The following GPC5 variants were observed in gnomAD, a reference collection of about 807,000 sequenced individuals.
The protein encoded by GPC5 is glypican 5, also known as glypican-5.
GPC5 carries 47 observed loss-of-function variants against 53.9 expected under a neutral mutation model. The ratio of observed to expected loss-of-function variants is 0.87; its 90% CI spans 0.69 to 1.11. GPC5 has a LOEUF of 1.11. Among genes scored for constraint, GPC5 ranks in the 50% most tolerant of loss-of-function variants. GPC5 has a pLI of 0.00. For synonymous variants in GPC5, 286 were observed against 263.3 expected, an observed-to-expected ratio of 1.09 and a Z score of -0.84; for missense variants, 748 against 713.1, an observed-to-expected ratio of 1.05 and a Z score of -0.56.
At chr13:92,172,913 G>A (rs2042080682) in intron 7 of GPC5, among the ~76,000 whole-genome samples, 1 of 149,956 alleles carries the variant, frequency 6.7e-6, no homozygotes, top group Admixed American at 6.7e-5. Flanking sequence ...ATAGTTCTAG[G>A]GTTTTTTTAA....
At chr13:92,650,320 C>A (rs1296577466) in intron 7 of GPC5, among the ~76,000 whole-genome samples, 2 of 152,038 alleles carry the variant, frequency 1.3e-5, no homozygotes, top group Admixed American at 6.6e-5. Context: ...CAAATATAAT[C>A]ATATAAGGAA....
chr13:92,575,428 A>C (rs1187576292), intron 7 of GPC5, among the ~76,000 whole-genome samples: 2 of 152,110 alleles, frequency 1.3e-5, no homozygotes, highest in Admixed American at 1.3e-4. Flanking sequence ...GCGAGAGAAC[A>C]TTTTCAGACA....
At chr13:92,564,273 G>T (rs1275039966) in intron 7 of GPC5, among the ~76,000 whole-genome samples, 1 of 151,844 alleles carries the variant, frequency 6.6e-6, no homozygotes. Context: ...TGTGTCAATA[G>T]GTTTTGCATG....
intron 7 of GPC5, chr13:92,490,287 C>T (rs1879713607): frequency 6.5e-6 from 1 of 153,498 alleles, no homozygotes; most frequent in African/African-American, 2.4e-5. Flanking sequence ...ATTATTATAT[C>T]TATTTTTTCA....
chr13:91,554,898 C>G (rs1594246235), intron 2 of GPC5, among the ~76,000 whole-genome samples: 1 of 152,110 alleles, frequency 6.6e-6, no homozygotes, highest in Admixed American at 6.6e-5. Context: ...CTTATCTTCT[C>G]TCTTAGCCCA....
chr13:92,209,518 A>G (rs541177098), intron 7 of GPC5, among the ~76,000 whole-genome samples: 1 of 152,312 alleles, frequency 6.6e-6, no homozygotes, highest in Admixed American at 6.5e-5. Context: ...GCAAAAGCAT[A>G]TAAAGAATTG....
At chr13:92,486,171 G>A (rs912554712) in intron 7 of GPC5, among the ~76,000 whole-genome samples, 1 of 151,970 alleles carries the variant, frequency 6.6e-6, no homozygotes, top group African/African-American at 2.4e-5. Flanking sequence ...ATTTATCAGT[G>A]TCATCAAAAC....
rs151266581 is a variant in GPC5 at position 91,496,725 on chromosome 13, T to C, written c.325+47803T>C. ...GAATAAGATCTAGTGTTTGACAGCA[T>C]AACAGGGTGACTATGGCAACAATAA... On this transcript the variant is annotated intron_variant, in intron 2 of 7. Coordinates refer to ENST00000377067, the MANE Select transcript of GPC5 (RefSeq NM_004466.6). Among the ~76,000 whole-genome samples the C allele has an allele frequency of 2.6e-3, 391 of 152,244 alleles. 1 individual carries two copies. The highest frequency in any genetic ancestry group is 8.5e-3 in the African/African-American group (353 of 41,540).
intron 7 of GPC5, among the ~76,000 whole-genome samples, chr13:92,463,294 G>A (rs1381095014): frequency 6.6e-6 from 1 of 152,194 alleles, no homozygotes; most frequent in African/African-American, 2.4e-5. Context: ...CAGCACACGC[G>A]ATGCCAACCT....
intron 6 of GPC5, among the ~76,000 whole-genome samples, chr13:92,076,450 A>G (rs1158847275): frequency 3.9e-5 from 6 of 152,146 alleles, no homozygotes; most frequent in Non-Finnish European, 7.3e-5. Flanking sequence ...TTTATTTTAC[A>G]TTAATTGCCA....
intron 3 of GPC5, among the ~76,000 whole-genome samples, chr13:91,702,613 C>T (rs1384054409): frequency 2.6e-5 from 4 of 151,918 alleles, no homozygotes; most frequent in Admixed American, 1.3e-4. Flanking sequence ...TATTGCTTTA[C>T]TATTTGTAGT....
chr13:92,267,581 A>G (rs1455614968), intron 7 of GPC5, among the ~76,000 whole-genome samples: 1 of 152,060 alleles, frequency 6.6e-6, no homozygotes, highest in Non-Finnish European at 1.5e-5. Flanking sequence ...TGATCCTGAG[A>G]CTTCCTTTTC....
chr13:92,434,835 A>G (rs1242266548), intron 7 of GPC5, among the ~76,000 whole-genome samples: 1 of 152,214 alleles, frequency 6.6e-6, no homozygotes, highest in African/African-American at 2.4e-5. Flanking sequence ...CTATCGTATT[A>G]TCTTTCAAGG....
intron 7 of GPC5, among the ~76,000 whole-genome samples, chr13:92,370,823 T>A (rs1453521603): frequency 1.3e-5 from 2 of 152,174 alleles, no homozygotes; most frequent in Non-Finnish European, 2.9e-5. Flanking sequence ...ACATGAAAAC[T>A]TATATTTCAG....
chr13:91,476,473 A>C (rs1432552097), intron 2 of GPC5, among the ~76,000 whole-genome samples: 5 of 152,248 alleles, frequency 3.3e-5, no homozygotes, highest in African/African-American at 1.2e-4. Context: ...AGAAAAATCC[A>C]CATAAATAAA....
chr13:92,667,744 T>C (rs372528436), intron 7 of GPC5, among the ~76,000 whole-genome samples: 1 of 152,196 alleles, frequency 6.6e-6, no homozygotes, highest in Admixed American at 6.5e-5. Context: ...TCACATGTAT[T>C]AATAAGACAT....
intron 7 of GPC5, among the ~76,000 whole-genome samples, chr13:92,470,879 T>C (rs1313008074): frequency 6.6e-6 from 1 of 152,160 alleles, no homozygotes; most frequent in African/African-American, 2.4e-5. Context: ...ACATCAGTTT[T>C]CATCAGCTAT....
At chr13:91,923,456 G>A (rs2139020437) in intron 6 of GPC5, among the ~76,000 whole-genome samples, 1 of 152,174 alleles carries the variant, frequency 6.6e-6, no homozygotes, top group African/African-American at 2.4e-5. Context: ...GGAATCAGTA[G>A]GAAAGTTTCT....
At chr13:92,122,429 C>CT (rs1468015430) in intron 6 of GPC5, among the ~76,000 whole-genome samples, 1 of 151,772 alleles carries the variant, frequency 6.6e-6, no homozygotes, top group African/African-American at 2.4e-5. Context: ...CACGTAGCTC[C>CT]GATTACGCTT....
Sources: gnomAD v4.1 joint callset for allele counts (sites outside exome capture counted in the v4.1 genomes callset) on GRCh38, gnomAD v4.1.1 for gene constraint, MANE v1.5 for transcripts, NCBI Gene and HGNC (gene_info 2026-07-23, HGNC 2026-07-21) for gene names.